Variants in BMP1 observed in about 807,000 individuals in gnomAD.
BMP1 encodes the protein mammalian tolloid protein.
A neutral mutation model predicts 116.8 loss-of-function variants in BMP1; 63 were observed. The ratio of observed to expected loss-of-function variants is 0.54; its 90% CI spans 0.44 to 0.67. BMP1 has a LOEUF of 0.67. Among genes scored for constraint, BMP1 ranks in the 30% least tolerant of loss-of-function variants. The probability of loss-of-function intolerance (pLI) is 0.00; values close to 1 mark genes in which losing one functional copy is unlikely to be tolerated. For synonymous variants in BMP1, 536 were observed against 533.4 expected (o/e 1.00, Z -0.07); for missense variants, 1,183 against 1,358.9 (o/e 0.87, Z 2.04).
rs376026057 is a variant in BMP1, at chr8:22,194,496, A to G, written c.1349A>G (p.Asn450Ser). ...GACTATGGCCACATTCAATCGCCCA[A>G]CTACCCAGACGATTACCGGCCCAGC... ...KKDYGHIQSP[N>S]YPDDYRPSKV... The change falls in exon 11 of 20, where the codon AAC (asparagine) becomes AGC (serine). Residue 450 changes from asparagine to serine, a missense_variant. Coordinates refer to ENST00000306385, the MANE Select transcript of BMP1 (RefSeq NM_006129.5). This position sits in a 1 kb window ranked among gnomAD's most constrained non-coding sequence, Gnocchi z 4.5. The G allele has an allele frequency of 1.1e-5, 17 of 1,614,208 alleles. No homozygotes were observed. The highest frequency in any genetic ancestry group is 1.3e-5 in the African/African-American group (1 of 75,056).
At chr8:22,183,237 G>A (rs960321739) in intron 8 of BMP1, among the ~76,000 whole-genome samples, 3 of 152,162 alleles carry the variant, frequency 2.0e-5, no homozygotes, top group Non-Finnish European at 4.4e-5. Context: ...CTAACATAGC[G>A]GAACTCCATC....
rs775242627 is a variant in BMP1, at chr8:22,196,956, CGAGGAGAGA to C, written c.1926+117_1926+125del. On this transcript the variant is annotated intron_variant, in intron 14 of 19. Coordinates refer to ENST00000306385, the MANE Select transcript of BMP1 (RefSeq NM_006129.5). ...CCCGGCAGAAACACTCTGCAAATAT[CGAGGAGAGA>C]CTGCTCCCAGCTCACGAAGCACAGG... 2.3e-3 allele frequency: 3,085 copies of C among 1,339,042 alleles called. 6 individuals are homozygous for C. The highest frequency in any genetic ancestry group is 2.5e-3 in the Non-Finnish European group (2,448 of 997,014). The allele number at this position is 1,339,042 out of a possible 1,614,324, so 82.9% of individuals were successfully genotyped here.
intron 15 of BMP1, among the ~76,000 whole-genome samples, chr8:22,199,992 A>G (rs917746572): frequency 6.6e-6 from 1 of 152,190 alleles, no homozygotes; most frequent in Non-Finnish European, 1.5e-5. Flanking sequence ...GGGATCAGGA[A>G]TAGGCCCCCT....
At chr8:22,203,280 G>T (rs1431655816) in intron 16 of BMP1, among the ~76,000 whole-genome samples, 3 of 152,162 alleles carry the variant, frequency 2.0e-5, no homozygotes, top group Non-Finnish European at 2.9e-5. Flanking sequence ...GATAGGCCAG[G>T]TGCAGTGGCT....
At chr8:22,182,968 C>T (rs916503452) in intron 8 of BMP1, among the ~76,000 whole-genome samples, 2 of 152,228 alleles carry the variant, frequency 1.3e-5, no homozygotes, top group Non-Finnish European at 2.9e-5. Flanking sequence ...CCTTTTCAAA[C>T]AATGCTTATT....
chr8:22,176,540 G>T lies in BMP1; in HGVS notation c.441G>T (p.Gln147His). 6.2e-7 allele frequency: 1 copy of T among 1,614,182 alleles called. No individual in the cohort carries two copies. The highest frequency in any genetic ancestry group is 1.6e-4 in the Middle Eastern group (1 of 6,062). The change falls in exon 4 of 20, where the codon CAG becomes CAT. Residue 147 changes from glutamine (Q) to histidine (H), a missense_variant. By Grantham distance (24) the Gln-to-His change is conservative. Around this residue, in one of 4 missense-constraint regions of BMP1, gnomAD observed 40 missense variants for 47.5 expected, o/e 0.84. Transcript: ENST00000306385. ...FVIGGNFTGS[Q>H]RAVFRQAMRH... ...CTTCCTTCCTCCTGGCAGGTAGCCA[G>T]AGGGCAGTCTTCCGGCAGGCCATGA...
At chr8:22,168,810 T>C (rs1028667777) in intron 1 of BMP1, among the ~76,000 whole-genome samples, 35 of 152,016 alleles carry the variant, frequency 2.3e-4, no homozygotes, top group South Asian at 6.3e-4. Context: ...AGGAAAAAAT[T>C]TGTACTCTCC....
At chr8:22,185,981 G>A (rs1185579371) in intron 8 of BMP1, among the ~76,000 whole-genome samples, 1 of 151,810 alleles carries the variant, frequency 6.6e-6, no homozygotes, top group East Asian at 1.9e-4. Context: ...GATTACAGGC[G>A]CCTGCCACCA....
chr8:22,196,616 C>G (rs1177320663), intron 13 of BMP1, 64 bp from the exon 14 acceptor site: 8 of 1,606,290 alleles, frequency 5.0e-6, no homozygotes, highest in Non-Finnish European at 6.8e-6. Context: ...TCCCAGCCCA[C>G]ATCTCAGCCC....
chr8:22,177,672 G>A (rs763254911), intron 5 of BMP1, 180 bp from the exon 6 acceptor site: 2 of 764,304 alleles, frequency 2.6e-6, no homozygotes, highest in Non-Finnish European at 4.8e-6. Flanking sequence ...TGCTGGACAG[G>A]ACTCTTCCTG....
Position 22,194,826 on chromosome 8 carries a change from G to A in BMP1, c.1546G>A (p.Asp516Asn). The change falls in exon 12 of 20, where the codon GAT (aspartate) becomes AAT (asparagine). Residue 516 changes from aspartate (D) to asparagine (N), a missense_variant. Asp to Asn is a conservative substitution (Grantham distance 23). Transcript: ENST00000306385. This position sits in a 1 kb window ranked among gnomAD's most constrained non-coding sequence, Gnocchi z 4.5. The stretch of plus-strand genomic sequence containing the variant: ...GCGCTACTGTGGCTATGAGAAGCCT[G>A]ATGACATCAAGAGCACGTCCAGCCG... ...IGRYCGYEKP[D>N]DIKSTSSRLW... The A allele has an allele frequency of 6.2e-7, 1 of 1,614,198 alleles. No individual in the cohort carries two copies. Among genetic ancestry groups the A allele is most frequent in the Non-Finnish European group, 8.5e-7 (1 of 1,180,034 alleles).
intron 16 of BMP1, among the ~76,000 whole-genome samples, chr8:22,203,087 G>C (rs1339091248): frequency 1.3e-5 from 2 of 152,148 alleles, no homozygotes; most frequent in African/African-American, 2.4e-5. Context: ...TACCTCCTGG[G>C]ACTTGATACC....
At chr8:22,178,667 G>T (rs937594584) in intron 6 of BMP1, among the ~76,000 whole-genome samples, 37 of 152,048 alleles carry the variant, frequency 2.4e-4, no homozygotes, top group Admixed American at 2.4e-3. Context: ...GCCCAGCTCC[G>T]AAGCACATCC....
chr8:22,194,421 C>G lies in BMP1; in HGVS notation c.1298-24C>G, dbSNP rs777752699. On this transcript the variant is annotated intron_variant, in intron 10 of 19. Coordinates refer to ENST00000306385, the MANE Select transcript of BMP1 (RefSeq NM_006129.5). The surrounding 1 kb of genome is among the most constrained non-coding windows in gnomAD (Gnocchi z 4.5). ...AAGCATGCTGACTCACCACCCCTTC[C>G]CACCCCATCCTGTGTCCCCACAGCC... is the stretch of plus-strand genomic sequence containing the variant. The G allele has an allele frequency of 1.2e-6, 2 of 1,613,346 alleles. No individual in the cohort carries two copies. Among genetic ancestry groups the G allele is most frequent in the Admixed American group, 1.7e-5 (1 of 59,988 alleles).
At chr8:22,209,745 C>A (rs1829428333) in intron 19 of BMP1, 50 bp downstream of exon 19, 1 of 1,581,888 alleles carries the variant, frequency 6.3e-7, no homozygotes, top group East Asian at 2.2e-5. Flanking sequence ...ACGCCCCACA[C>A]TGTCCTCCAC....
chr8:22,194,428 A>C lies in BMP1; in HGVS notation c.1298-17A>C. The stretch of plus-strand genomic sequence containing the variant: ...CTGACTCACCACCCCTTCCCACCCC[A>C]TCCTGTGTCCCCACAGCCATCTGCG... On this transcript the variant is annotated splice_polypyrimidine_tract_variant and intron_variant, in intron 10 of 19. Coordinates refer to ENST00000306385, the MANE Select transcript of BMP1 (RefSeq NM_006129.5). This position sits in a 1 kb window ranked among gnomAD's most constrained non-coding sequence, Gnocchi z 4.5. 1 of 1,613,822 alleles carries C rather than the reference A, an allele frequency of 6.2e-7. No homozygotes were observed. The highest frequency in any genetic ancestry group is 8.5e-7 in the Non-Finnish European group (1 of 1,179,866).
chr8:22,195,144 G>GT (rs1406147264), intron 12 of BMP1, among the ~76,000 whole-genome samples: 8 of 152,146 alleles, frequency 5.3e-5, no homozygotes, highest in Admixed American at 2.6e-4. Context: ...GCAGTTGGAG[G>GT]TTTTTTTTAC....
intron 8 of BMP1, among the ~76,000 whole-genome samples, chr8:22,188,265 C>T (rs1343855565): frequency 6.7e-6 from 1 of 150,016 alleles, no homozygotes; most frequent in Admixed American, 6.7e-5. Flanking sequence ...ACCTCCCTGG[C>T]TCAAGTGATC....
In BMP1 at chr8:22,165,559, C is replaced by A; in HGVS notation, c.148+6C>A. ...CAAAGACCCCTGCAAGGCGGGTGAG[C>A]GCCCCCCGGCCCCCCGGCGACGGGC... is the stretch of plus-strand genomic sequence containing the variant. On this transcript the variant is annotated splice_donor_region_variant and intron_variant, in intron 1 of 19. Transcript: ENST00000306385. 1 of 1,575,350 alleles carries A rather than the reference C, an allele frequency of 6.3e-7. No homozygotes were observed. Among genetic ancestry groups the A allele is most frequent in the Non-Finnish European group, 8.6e-7 (1 of 1,164,596 alleles).
Sources: gnomAD v4.1 joint callset for allele counts (sites outside exome capture counted in the v4.1 genomes callset) on GRCh38, gnomAD v4.1.1 for gene constraint, gnomAD v4.1.1 regional missense constraint, Gnocchi (gnomAD v3.1) non-coding constraint, MANE v1.5 for transcripts, NCBI Gene and HGNC (gene_info 2026-07-23, HGNC 2026-07-21) for gene names.